Variants in PCDH9 observed in about 807,000 individuals in gnomAD.
The protein encoded by PCDH9 is protocadherin-9.
A neutral mutation model predicts 70.6 loss-of-function variants in PCDH9; 24 were observed. The observed-to-expected ratio is 0.34, with a 90% CI of 0.25 to 0.48. The LOEUF (loss-of-function observed/expected upper bound fraction) is 0.48, where lower values mean the gene tolerates loss of function less well. Among genes scored for constraint, PCDH9 ranks in the 20% least tolerant of loss-of-function variants. PCDH9 has a pLI of 0.99. For synonymous variants in PCDH9, 562 were observed against 558.5 expected (o/e 1.01, Z -0.09); for missense variants, 1,281 against 1,503.6 (o/e 0.85, Z 2.45).
intron 2 of PCDH9, among the ~76,000 whole-genome samples, chr13:67,072,491 C>T (rs1566405348): frequency 6.6e-6 from 1 of 152,130 alleles, no homozygotes; most frequent in Non-Finnish European, 1.5e-5. Flanking sequence ...TTTCTGAAGA[C>T]TCCCATGTCA....
At chr13:66,320,211 A>C (rs574143549) in intron 4 of PCDH9, among the ~76,000 whole-genome samples, 10 of 152,188 alleles carry the variant, frequency 6.6e-5, no homozygotes, top group Non-Finnish European at 1.0e-4. Context: ...ATTCATTGGA[A>C]GTAAAAATTT....
intron 4 of PCDH9, among the ~76,000 whole-genome samples, chr13:66,313,910 G>T (rs1050461294): frequency 3.3e-5 from 5 of 152,140 alleles, no homozygotes; most frequent in Non-Finnish European, 5.9e-5. Flanking sequence ...TACTTTAAAA[G>T]ATGTCTGAAA....
intron 3 of PCDH9, among the ~76,000 whole-genome samples, chr13:66,684,111 C>A (rs2078366184): frequency 6.6e-6 from 1 of 152,016 alleles, no homozygotes; most frequent in South Asian, 2.1e-4. Context: ...TTTTAAAAAT[C>A]CTTTGATTTG....
chr13:66,482,174 T>G (rs1958853330), intron 4 of PCDH9, among the ~76,000 whole-genome samples: 1 of 152,206 alleles, frequency 6.6e-6, no homozygotes, highest in South Asian at 2.1e-4. Flanking sequence ...ACATTCATAT[T>G]CCACATAACA....
intron 2 of PCDH9, among the ~76,000 whole-genome samples, chr13:67,200,366 G>A (rs1283937892): frequency 6.6e-6 from 1 of 151,980 alleles, no homozygotes; most frequent in Non-Finnish European, 1.5e-5. Context: ...TAATAGCCAG[G>A]TGGTTGTGTC....
intron 4 of PCDH9, among the ~76,000 whole-genome samples, chr13:66,386,070 T>A (rs1956924298): frequency 1.3e-5 from 2 of 152,046 alleles, no homozygotes; most frequent in Non-Finnish European, 2.9e-5. Flanking sequence ...AATTTAATGG[T>A]CCATAGGTTC....
chr13:66,881,993 C>A (rs1349958562), intron 3 of PCDH9, among the ~76,000 whole-genome samples: 1 of 152,104 alleles, frequency 6.6e-6, no homozygotes, highest in African/African-American at 2.4e-5. Context: ...GAGTATAACA[C>A]AATCCTCTCT....
chr13:66,401,131 T>A (rs1335055246), intron 4 of PCDH9, among the ~76,000 whole-genome samples: 1 of 152,168 alleles, frequency 6.6e-6, no homozygotes. Flanking sequence ...TAGCACTATT[T>A]GAGTCTTGAA....
intron 3 of PCDH9, among the ~76,000 whole-genome samples, chr13:66,654,157 T>C (rs2077893903): frequency 3.3e-5 from 5 of 152,060 alleles, no homozygotes; most frequent in Admixed American, 3.3e-4. Flanking sequence ...ATCCCATCAC[T>C]TGCAACAACA....
chr13:66,395,576 G>A (rs541481723), intron 4 of PCDH9, among the ~76,000 whole-genome samples: 1 of 151,852 alleles, frequency 6.6e-6, no homozygotes, highest in South Asian at 2.1e-4. Flanking sequence ...CTCCAGCCTG[G>A]TAACATAGTA....
rs545101836 is a variant in PCDH9 at position 66,867,197 on chromosome 13, T to C, written c.3138+36307A>G. Among the ~76,000 whole-genome samples, 13 of 152,230 alleles carry C rather than the reference T, an allele frequency of 8.5e-5. No individual in the cohort carries two copies. The East Asian group carries it at 2.5e-3, about 29-fold the overall frequency. ...CTAAGGATCCATTGCAAAGTAAGTG[T>C]TACTCACAGTTGGTCTTCATTTAAG... On this transcript the variant is annotated intron_variant, in intron 3 of 4. Coordinates refer to ENST00000377865, the MANE Select transcript of PCDH9 (RefSeq NM_203487.3).
intron 4 of PCDH9, among the ~76,000 whole-genome samples, chr13:66,372,158 C>T (rs914378856): frequency 6.6e-6 from 1 of 151,938 alleles, no homozygotes; most frequent in African/African-American, 2.4e-5. Context: ...ACACATGCAC[C>T]ATCTGCCCTC....
At chr13:66,463,801 C>T (rs1036319942) in intron 4 of PCDH9, among the ~76,000 whole-genome samples, 10 of 151,604 alleles carry the variant, frequency 6.6e-5, no homozygotes, top group African/African-American at 2.4e-4. Flanking sequence ...ATGAGGAAAA[C>T]CATCACATTT....
At chr13:67,219,087 G>GTTTGTCT in intron 2 of PCDH9, 1 of 151,922 alleles carries the variant, frequency 6.6e-6, no homozygotes, top group Non-Finnish European at 1.5e-5. Flanking sequence ...TTGTCTATCA[G>GTTTGTCT]AGACAAACTG....
At chr13:66,830,800 C>T (rs1264826503) in intron 3 of PCDH9, among the ~76,000 whole-genome samples, 1 of 152,028 alleles carries the variant, frequency 6.6e-6, no homozygotes, top group Admixed American at 6.5e-5. Context: ...TAAAAAATTT[C>T]AGGGGGGTCT....
At chr13:66,899,009 A>G (rs936312676) in intron 3 of PCDH9, among the ~76,000 whole-genome samples, 1 of 151,994 alleles carries the variant, frequency 6.6e-6, no homozygotes, top group Non-Finnish European at 1.5e-5. Flanking sequence ...GAAATACAAG[A>G]CACATAATAA....
intron 4 of PCDH9, among the ~76,000 whole-genome samples, chr13:66,363,557 G>A (rs903377226): frequency 4.6e-5 from 7 of 152,166 alleles, no homozygotes; most frequent in Non-Finnish European, 5.9e-5. Flanking sequence ...TACACACAAC[G>A]TTTAAGGGAG....
At chr13:66,493,508 C>A (rs531628977) in intron 4 of PCDH9, among the ~76,000 whole-genome samples, 20 of 152,108 alleles carry the variant, frequency 1.3e-4, no homozygotes, top group African/African-American at 4.8e-4. Context: ...CATGCAACCA[C>A]GGTAATTTAA....
intron 3 of PCDH9, among the ~76,000 whole-genome samples, chr13:66,772,249 A>T (rs1232385402): frequency 6.6e-6 from 1 of 152,180 alleles, no homozygotes; most frequent in Admixed American, 6.5e-5. Context: ...GTGCCTCAAG[A>T]CACCTGCAGT....
Sources: gnomAD v4.1 joint callset for allele counts (sites outside exome capture counted in the v4.1 genomes callset) on GRCh38, gnomAD v4.1.1 for gene constraint, MANE v1.5 for transcripts, NCBI Gene and HGNC (gene_info 2026-07-23, HGNC 2026-07-21) for gene names.